The following ZPLD1 variants were observed in gnomAD, a reference collection of about 807,000 sequenced individuals.
ZPLD1 encodes the protein zona pellucida-like domain-containing protein 1.
Under a neutral mutation model 47.2 loss-of-function variants are expected in ZPLD1, and 34 were observed. The observed-to-expected ratio is 0.72, with a 90% CI of 0.55 to 0.96. The LOEUF is 0.96. ZPLD1 is among the 40% of genes least tolerant of loss of function. The probability of loss-of-function intolerance (pLI) is 0.00; values close to 1 mark genes in which losing one functional copy is unlikely to be tolerated. For missense variants in ZPLD1, 512 were observed against 505.8 expected (o/e 1.01, Z -0.12); for synonymous variants, 176 against 186.2 (o/e 0.95, Z 0.45).
At chr3:102,459,509 A>G (rs571836828) in intron 6 of ZPLD1, among the ~76,000 whole-genome samples, 174 of 152,316 alleles carry the variant, frequency 1.1e-3, no homozygotes, top group African/African-American at 4.0e-3. Flanking sequence ...TATCATTAAG[A>G]GATGGTACTG....
At chr3:102,472,733 A>G (rs1351684802) in intron 10 of ZPLD1, among the ~76,000 whole-genome samples, 1 of 152,206 alleles carries the variant, frequency 6.6e-6, no homozygotes, top group African/African-American at 2.4e-5. Context: ...TTGCTATAAG[A>G]AAAGAACTTT....
intron 10 of ZPLD1, among the ~76,000 whole-genome samples, chr3:102,470,773 CCT>C (rs1707671615): frequency 6.6e-6 from 1 of 151,310 alleles, no homozygotes; most frequent in African/African-American, 2.4e-5. Flanking sequence ...CCATGCTGGA[CCT>C]GTTTTATTTA....
At chr3:102,412,729 T>C (rs1398421207) in intron 7 of ZPLD1, among the ~76,000 whole-genome samples, 5 of 151,698 alleles carry the variant, frequency 3.3e-5, no homozygotes, top group Admixed American at 3.3e-4. Flanking sequence ...GGACTACCCC[T>C]TATCAAGAAC....
At chr3:102,465,579 T>C (rs1707577903) in intron 8 of ZPLD1, among the ~76,000 whole-genome samples, 1 of 152,182 alleles carries the variant, frequency 6.6e-6, no homozygotes, top group African/African-American at 2.4e-5. Context: ...TGGATTTTTT[T>C]TGACATTTCT....
intron 6 of ZPLD1, 117 bp from the exon 7 acceptor site, chr3:102,462,164 T>A: frequency 1.7e-6 from 1 of 593,710 alleles, no homozygotes; most frequent in Non-Finnish European, 2.8e-6. Flanking sequence ...TTTGGATTGA[T>A]TCTGTAGGTT....
intron 6 of ZPLD1, among the ~76,000 whole-genome samples, chr3:102,458,570 A>G (rs1261218736): frequency 6.6e-6 from 1 of 152,202 alleles, no homozygotes; most frequent in African/African-American, 2.4e-5. Flanking sequence ...ATTATTATTC[A>G]TGTCATCATG....
intron 4 of ZPLD1, among the ~76,000 whole-genome samples, chr3:102,454,673 C>T (rs1434481876): frequency 3.3e-5 from 5 of 152,098 alleles, no homozygotes; most frequent in Non-Finnish European, 5.9e-5. Context: ...CTGGCCAACA[C>T]GGTGAAACCC....
chr3:102,456,509 AT>A, intron 5 of ZPLD1, 135 bp downstream of exon 5: 1 of 730,848 alleles, frequency 1.4e-6, no homozygotes, highest in Non-Finnish European at 2.3e-6. Context: ...GAAACATATT[AT>A]GTCTAATATA....
intron 3 of ZPLD1, among the ~76,000 whole-genome samples, chr3:102,452,253 CAT>C (rs1707349554): frequency 1.6e-5 from 2 of 121,792 alleles, no homozygotes; most frequent in African/African-American, 3.1e-5. Flanking sequence ...ATGTTTAGGT[CAT>C]TTTTTTTTTT....
intron 3 of ZPLD1, among the ~76,000 whole-genome samples, chr3:102,439,976 T>C (rs1707150928): frequency 6.6e-6 from 1 of 152,186 alleles, no homozygotes. Flanking sequence ...GTTTGGTCAT[T>C]TGTCTTGTAG....
intron 10 of ZPLD1, among the ~76,000 whole-genome samples, chr3:102,472,436 G>A (rs1312666305): frequency 6.6e-6 from 1 of 151,922 alleles, no homozygotes; most frequent in Non-Finnish European, 1.5e-5. Flanking sequence ...GGAGGCTGAG[G>A]CAGGAGAATT....
chr3:102,455,184 G>A (rs1707393643), intron 4 of ZPLD1, among the ~76,000 whole-genome samples: 1 of 152,184 alleles, frequency 6.6e-6, no homozygotes, highest in Non-Finnish European at 1.5e-5. Flanking sequence ...TTACTCTATT[G>A]TTGAAAATTA....
intron 7 of ZPLD1, among the ~76,000 whole-genome samples, chr3:102,463,787 C>G (rs942422123): frequency 2.6e-5 from 4 of 151,802 alleles, no homozygotes; most frequent in African/African-American, 9.7e-5. Flanking sequence ...CGCCTGTAAT[C>G]CCAGCACTTT....
In ZPLD1 at chr3:102,479,141, T is replaced by C. The variant is rs1006217661; in HGVS notation, c.*1523T>C. 6.6e-6 allele frequency: 1 copy of C among 152,178 alleles called. No individual in the cohort carries two copies. Among genetic ancestry groups the C allele is most frequent in the African/African-American group, 2.4e-5 (1 of 41,456 alleles). 9.4% of individuals were successfully genotyped at this position (152,178 alleles called of 1,614,324 possible). On this transcript the variant is annotated 3_prime_UTR_variant, in exon 12 of 12. Coordinates refer to ENST00000466937, the MANE Select transcript of ZPLD1 (RefSeq NM_001329788.2). ...TGCATCAACTTTTTATTTCAAGGTA[T>C]AGTTGCCAAGTAAAGTGGGATCTGG... is the stretch of plus-strand genomic sequence containing the variant.
intron 3 of ZPLD1, among the ~76,000 whole-genome samples, 194 bp from the exon 4 acceptor site, chr3:102,452,725 C>T (rs1420968565): frequency 6.6e-6 from 1 of 152,094 alleles, no homozygotes; most frequent in African/African-American, 2.4e-5. Context: ...AAGATCTCTC[C>T]TTAAATAACT....
intron 7 of ZPLD1, among the ~76,000 whole-genome samples, chr3:102,392,463 A>G (rs1706506830): frequency 6.6e-6 from 1 of 151,364 alleles, no homozygotes; most frequent in Non-Finnish European, 1.5e-5. Flanking sequence ...GGTGCAGGGT[A>G]TCACATGTGC....
chr3:102,463,333 G>T (rs1306361316), intron 7 of ZPLD1, among the ~76,000 whole-genome samples: 2 of 152,152 alleles, frequency 1.3e-5, no homozygotes, highest in Non-Finnish European at 2.9e-5. Context: ...CTCCTTTGTT[G>T]TATTTGGTAT....
In ZPLD1 at chr3:102,453,081, C is replaced by T. The variant is rs770924595; in HGVS notation, c.269C>T (p.Ala90Val). Residue 90 changes from alanine to valine, a missense_variant, in exon 4 of 12, where the codon GCA becomes GTA. Physicochemically the swap from Ala to Val is moderately conservative, Grantham distance 64 (BLOSUM62 0). Coordinates refer to ENST00000466937, the MANE Select transcript of ZPLD1 (RefSeq NM_001329788.2). ...TTCATCAATAACAACACCTTTCCAG[C>T]AGTGGTCATTTTTATCATCAATCTC... is the stretch of plus-strand genomic sequence containing the variant. ...RGFINNNTFP[A>V]VVIFIINLST... 6.8e-6 allele frequency: 11 copies of T among 1,614,040 alleles called. No individual in the cohort carries two copies. The highest frequency in any genetic ancestry group is 9.3e-6 in the Non-Finnish European group (11 of 1,179,982).
intron 3 of ZPLD1, among the ~76,000 whole-genome samples, chr3:102,447,748 A>G (rs1707280147): frequency 6.6e-6 from 1 of 152,226 alleles, no homozygotes; most frequent in Non-Finnish European, 1.5e-5. Context: ...AATTGTTAAA[A>G]CAAGAACAAA....
Sources: allele counts gnomAD v4.1 joint callset (sites outside exome capture counted in the v4.1 genomes callset), GRCh38; gene constraint gnomAD v4.1.1; transcripts MANE v1.5; gene names NCBI Gene and HGNC (gene_info 2026-07-23, HGNC 2026-07-21).